Variants in PRKACB observed in about 807,000 individuals in gnomAD.
The protein encoded by PRKACB is protein kinase cAMP-activated catalytic subunit beta, also known as cAMP-dependent protein kinase catalytic subunit beta.
In PRKACB, 16 loss-of-function variants were observed where a neutral mutation model predicts 51.4. The observed-to-expected ratio is 0.31, with a 90% CI of 0.21 to 0.47. PRKACB has a LOEUF of 0.47. Among genes scored for constraint, PRKACB ranks in the 20% least tolerant of loss-of-function variants. The pLI is 1.00. For synonymous variants in PRKACB, 147 were observed against 154.4 expected (o/e 0.95, Z 0.35); for missense variants, 309 against 464.5 (o/e 0.67, Z 3.08).
In PRKACB at chr1:84,236,652, AC is replaced by A. The variant is rs1329656026; in HGVS notation, c.*1348del. ...TTTGAGAGGTTAGTTTTTTTCCTACACTTTTTTTTGCCAACTGACTTAACAA... is the reference window on the plus strand; with the variant it reads ...TTTGAGAGGTTAGTTTTTTTCCTACATTTTTTTTGCCAACTGACTTAACAA... On this transcript the variant is annotated 3_prime_UTR_variant, in exon 10 of 10. Coordinates refer to ENST00000370685, the MANE Select transcript of PRKACB (RefSeq NM_182948.4). 2.7e-4 allele frequency: 41 copies of A among 152,660 alleles called. No individual in the cohort carries two copies. The highest frequency in any genetic ancestry group is 9.6e-4 in the African/African-American group (40 of 41,550). 9.5% of individuals were successfully genotyped at this position (152,660 alleles called of 1,614,324 possible).
At chr1:84,166,547 A>G (rs1033492434) in intron 1 of PRKACB, among the ~76,000 whole-genome samples, 2 of 151,736 alleles carry the variant, frequency 1.3e-5, no homozygotes, top group Admixed American at 6.6e-5. Flanking sequence ...TATACCACAA[A>G]TAATCATAGT....
At chr1:84,105,626 A>C (rs988624268) in intron 1 of PRKACB, among the ~76,000 whole-genome samples, 15 of 151,854 alleles carry the variant, frequency 9.9e-5, no homozygotes, top group African/African-American at 3.6e-4. Context: ...CCCAGGCTGG[A>C]GTGCAGTGGT....
chr1:84,169,623 A>G (rs1183587810), intron 1 of PRKACB, among the ~76,000 whole-genome samples: 2 of 151,682 alleles, frequency 1.3e-5, no homozygotes, highest in East Asian at 3.9e-4. Context: ...AAAGAAAATA[A>G]AAGGACATTT....
intron 1 of PRKACB, among the ~76,000 whole-genome samples, chr1:84,123,334 A>G (rs1651253953): frequency 6.6e-6 from 1 of 152,200 alleles, no homozygotes; most frequent in South Asian, 2.1e-4. Context: ...AATCATCATA[A>G]GAAAGTTACT....
At chr1:84,200,184 G>T (rs911907917) in intron 7 of PRKACB, among the ~76,000 whole-genome samples, 2 of 152,102 alleles carry the variant, frequency 1.3e-5, no homozygotes, top group African/African-American at 4.8e-5. Flanking sequence ...TCTGACTGGT[G>T]TGGAATGGTA....
intron 8 of PRKACB, chr1:84,205,230 G>C (rs1360693582): frequency 1.0e-6 from 1 of 984,712 alleles, no homozygotes; most frequent in Non-Finnish European, 1.2e-6. Context: ...CCATTAAAAG[G>C]CTCTGTATTA....
chr1:84,156,813 G>T (rs1655557524), intron 1 of PRKACB, among the ~76,000 whole-genome samples: 1 of 152,140 alleles, frequency 6.6e-6, no homozygotes, highest in South Asian at 2.1e-4. Context: ...TGATTTCAGT[G>T]ACCTCTTATT....
At chr1:84,201,621 A>G (rs1403602949) in intron 7 of PRKACB, among the ~76,000 whole-genome samples, 1 of 152,134 alleles carries the variant, frequency 6.6e-6, no homozygotes, top group Admixed American at 6.6e-5. Flanking sequence ...CTATAGCGCT[A>G]AAGTATTATA....
chr1:84,083,873 T>C (rs1362436078), intron 1 of PRKACB, among the ~76,000 whole-genome samples: 1 of 152,234 alleles, frequency 6.6e-6, no homozygotes, highest in Non-Finnish European at 1.5e-5. Context: ...TGTTCATTGC[T>C]TCATTCATTC....
chr1:84,222,338 C>T (rs985158874), intron 9 of PRKACB, among the ~76,000 whole-genome samples: 7 of 152,062 alleles, frequency 4.6e-5, no homozygotes, highest in African/African-American at 1.7e-4. Context: ...TTTTTGTAAG[C>T]AGCATATAGT....
At chr1:84,197,897 G>T in intron 7 of PRKACB, 73 bp downstream of exon 7, 1 of 1,026,314 alleles carries the variant, frequency 9.7e-7, no homozygotes. Context: ...TGTAAAAACA[G>T]TTTATTGATC....
chr1:84,078,112 G>GCCT (rs1647233988), upstream of PRKACB: 7 of 461,714 alleles, frequency 1.5e-5, no homozygotes, highest in Non-Finnish European at 2.5e-5. Context: ...CGCCGCCGCC[G>GCCT]CCGCCGCCGC....
chr1:84,149,419 C>A (rs1397485249), intron 1 of PRKACB, among the ~76,000 whole-genome samples: 1 of 151,960 alleles, frequency 6.6e-6, no homozygotes, highest in Non-Finnish European at 1.5e-5. Context: ...GCCACCATAC[C>A]CGGCTAATTT....
Position 84,126,892 on chromosome 1 carries a change from A to G in PRKACB, c.46+48521A>G, listed in dbSNP as rs1651665923. Among the ~76,000 whole-genome samples the G allele has an allele frequency of 2.6e-5, 4 of 152,294 alleles. No individual in the cohort carries two copies. The South Asian group carries it at 8.3e-4, about 32-fold the overall frequency. On this transcript the variant is annotated intron_variant, in intron 1 of 8. Transcript: ENST00000370688. ...AATCTGTCTGTTTTTCTTTCCCACCACAACCTCAGTTCAGGTATCCATCAT... is the reference window on the plus strand; with the variant it reads ...AATCTGTCTGTTTTTCTTTCCCACCGCAACCTCAGTTCAGGTATCCATCAT...
chr1:84,142,993 C>A (rs1461694158), upstream of PRKACB, among the ~76,000 whole-genome samples: 1 of 151,822 alleles, frequency 6.6e-6, no homozygotes, highest in African/African-American at 2.4e-5. Context: ...TCTTTCCTTT[C>A]CTTCCCTTCC....
At chr1:84,196,786 TA>T (rs780079115) in intron 6 of PRKACB, 44 bp downstream of exon 6, 2 of 1,534,112 alleles carry the variant, frequency 1.3e-6, no homozygotes, top group South Asian at 2.5e-5. Context: ...GAGAAAATAC[TA>T]GGCAAGACAT....
intron 1 of PRKACB, among the ~76,000 whole-genome samples, chr1:84,096,908 A>G (rs1173475534): frequency 6.6e-6 from 1 of 152,082 alleles, no homozygotes; most frequent in Non-Finnish European, 1.5e-5. Flanking sequence ...GTCAATAAGC[A>G]TGCTTCCCTC....
chr1:84,163,444 C>T (rs192640088), intron 1 of PRKACB, among the ~76,000 whole-genome samples: 87 of 152,062 alleles, frequency 5.7e-4, no homozygotes, highest in Non-Finnish European at 8.4e-4. Context: ...TTGCTTTTTT[C>T]GTTGACAATA....
chr1:84,124,746 A>G (rs1651414846), intron 1 of PRKACB, among the ~76,000 whole-genome samples: 1 of 152,086 alleles, frequency 6.6e-6, no homozygotes, highest in African/African-American at 2.4e-5. Context: ...TTGAGGGAAG[A>G]AGTTTCATCT....
Sources: gnomAD v4.1 joint callset for allele counts (sites outside exome capture counted in the v4.1 genomes callset) on GRCh38, gnomAD v4.1.1 for gene constraint, MANE v1.5 for transcripts, NCBI Gene and HGNC (gene_info 2026-07-23, HGNC 2026-07-21) for gene names.